Variants in FAF1 observed in about 807,000 individuals in gnomAD.
FAF1 encodes Fas associated factor 1.
In FAF1, 25 loss-of-function variants were observed where a neutral mutation model predicts 92.5. The ratio of observed to expected loss-of-function variants is 0.27; its 90% CI spans 0.20 to 0.38. The LOEUF is 0.38. Among genes scored for constraint, FAF1 ranks in the 10% least tolerant of loss-of-function variants. The pLI is 1.00. For synonymous variants in FAF1, 234 were observed against 273.2 expected, an observed-to-expected ratio of 0.86 and a Z score of 1.42; for missense variants, 636 against 793.3, an observed-to-expected ratio of 0.80 and a Z score of 2.38.
At chr1:50,935,802 T>A (rs981618029) in intron 1 of FAF1, among the ~76,000 whole-genome samples, 4 of 152,146 alleles carry the variant, frequency 2.6e-5, no homozygotes, top group Non-Finnish European at 4.4e-5. Flanking sequence ...CACATAGAAG[T>A]AATTATGAAC....
rs576549916 is a variant in FAF1, at chr1:50,960,076, G to A, written c.-265C>T. ...CGCAGCAGCCCGGACAGGAAGATTG[G>A]TCTGGATGTGGGTCCGGTCTTACAG... On this transcript the variant is annotated 5_prime_UTR_variant, in exon 1 of 19. Coordinates refer to ENST00000396153, the MANE Select transcript of FAF1 (RefSeq NM_007051.3). 8 of 394,256 alleles carry A rather than the reference G, an allele frequency of 2.0e-5. No individual in the cohort carries two copies. Among genetic ancestry groups the A allele is most frequent in the East Asian group, 1.4e-4 (4 of 27,874 alleles). 24.4% of individuals were successfully genotyped at this position (394,256 alleles called of 1,614,324 possible). A position where few individuals can be genotyped will look rare whatever the true frequency, so the allele number is the denominator to read the frequency against.
intron 7 of FAF1, among the ~76,000 whole-genome samples, chr1:50,660,108 C>T (rs1391391417): frequency 3.3e-5 from 5 of 152,078 alleles, no homozygotes; most frequent in Admixed American, 3.3e-4. Context: ...ATAAAAGTAC[C>T]TTCATAACAT....
At chr1:50,636,489 G>A (rs1012852133) in intron 8 of FAF1, among the ~76,000 whole-genome samples, 3 of 145,116 alleles carry the variant, frequency 2.1e-5, no homozygotes, top group South Asian at 2.2e-4. Context: ...GGGCTCAAGC[G>A]ATTCTCCTGC....
chr1:50,709,313 T>C (rs1163532483), intron 6 of FAF1, among the ~76,000 whole-genome samples: 1 of 152,196 alleles, frequency 6.6e-6, no homozygotes, highest in Non-Finnish European at 1.5e-5. Context: ...TTTATTGTCT[T>C]GTACAGTTTG....
At chr1:50,864,170 A>AT (rs1386810551) in intron 1 of FAF1, among the ~76,000 whole-genome samples, 1 of 147,864 alleles carries the variant, frequency 6.8e-6, no homozygotes, top group African/African-American at 2.5e-5. Context: ...GGATTCATTA[A>AT]TTTTTTGAAG....
chr1:50,500,270 A>C (rs1375983648), intron 15 of FAF1, among the ~76,000 whole-genome samples: 4 of 152,208 alleles, frequency 2.6e-5, no homozygotes, highest in Non-Finnish European at 5.9e-5. Context: ...GATTTATTAC[A>C]AAGCTGAAGT....
At chr1:50,853,567 G>A (rs1361605324) in intron 2 of FAF1, among the ~76,000 whole-genome samples, 5 of 152,042 alleles carry the variant, frequency 3.3e-5, no homozygotes, top group Non-Finnish European at 7.4e-5. Context: ...GAAATTGAGT[G>A]CAAAGTTCAA....
At chr1:50,540,100 A>G (rs1373944010) in intron 13 of FAF1, among the ~76,000 whole-genome samples, 1 of 151,880 alleles carries the variant, frequency 6.6e-6, no homozygotes, top group African/African-American at 2.4e-5. Flanking sequence ...CCTCCTGAGT[A>G]GCTGTGATTA....
At chr1:50,594,888 TTA>T (rs374986413) in intron 9 of FAF1, among the ~76,000 whole-genome samples, 9 of 142,380 alleles carry the variant, frequency 6.3e-5, no homozygotes, top group Admixed American at 7.1e-5. Flanking sequence ...AAAAAAAAAA[TTA>T]TATATATATA....
chr1:50,924,328 AAAC>A (rs1280896150), intron 1 of FAF1, among the ~76,000 whole-genome samples: 12 of 152,286 alleles, frequency 7.9e-5, no homozygotes, highest in East Asian at 1.9e-4. Context: ...TAGCTATCAA[AAAC>A]AACAACAACC....
intron 2 of FAF1, among the ~76,000 whole-genome samples, chr1:50,812,533 A>G (rs1458117129): frequency 6.6e-6 from 1 of 152,202 alleles, no homozygotes; most frequent in Admixed American, 6.5e-5. Context: ...AAACCATCTC[A>G]TATCAGTCAG....
intron 17 of FAF1, among the ~76,000 whole-genome samples, chr1:50,479,282 G>C (rs1646673472): frequency 6.6e-6 from 1 of 151,352 alleles, no homozygotes; most frequent in Non-Finnish European, 1.5e-5. Flanking sequence ...GATCACGCCA[G>C]CTGCCTAGTC....
chr1:50,612,809 C>T (rs1652739243), intron 8 of FAF1, among the ~76,000 whole-genome samples: 1 of 152,190 alleles, frequency 6.6e-6, no homozygotes, highest in South Asian at 2.1e-4. Context: ...GTAATTTCAC[C>T]TTGCCAGTTA....
At chr1:50,763,410 C>G (rs1333603359) in intron 4 of FAF1, among the ~76,000 whole-genome samples, 3 of 152,080 alleles carry the variant, frequency 2.0e-5, no homozygotes, top group Non-Finnish European at 2.9e-5. Flanking sequence ...CTGAGTTACT[C>G]CTGCTTGTTG....
chr1:50,711,940 T>C lies in FAF1; in HGVS notation c.552-6049A>G, dbSNP rs567530571. ...CTAACACTTAACAAGCGCTACCACATACCAGGCATTAAGAGATTCATATCA... is the reference window on the plus strand; with the variant it reads ...CTAACACTTAACAAGCGCTACCACACACCAGGCATTAAGAGATTCATATCA... On this transcript the variant is annotated intron_variant, in intron 6 of 18. Transcript: ENST00000396153. Among the ~76,000 whole-genome samples the C allele has an allele frequency of 2.0e-5, 3 of 152,342 alleles. No homozygotes were observed. In the East Asian group the frequency reaches 5.8e-4, roughly 29 times the overall value.
chr1:50,582,428 A>C (rs1339846607), intron 12 of FAF1, 190 bp downstream of exon 12: 2 of 504,144 alleles, frequency 4.0e-6, no homozygotes. Flanking sequence ...AGCACATAAT[A>C]CTAAAATTGG....
intron 2 of FAF1, among the ~76,000 whole-genome samples, chr1:50,814,061 A>C (rs1271684256): frequency 6.6e-6 from 1 of 152,174 alleles, no homozygotes; most frequent in Non-Finnish European, 1.5e-5. Context: ...AGCAATAATA[A>C]TATAGAACAA....
chr1:50,701,075 G>A (rs544215859), intron 7 of FAF1, among the ~76,000 whole-genome samples: 7 of 151,988 alleles, frequency 4.6e-5, no homozygotes, highest in Admixed American at 1.3e-4. Context: ...ATGCATAATC[G>A]TCTTTTCTGA....
chr1:50,452,327 A>C (rs988505975), intron 18 of FAF1: 3 of 382,806 alleles, frequency 7.8e-6, no homozygotes, highest in African/African-American at 6.3e-5. Flanking sequence ...GGCAAGATAA[A>C]CCTAATGCAG....
Sources: gnomAD v4.1 joint callset for allele counts (sites outside exome capture counted in the v4.1 genomes callset) on GRCh38, gnomAD v4.1.1 for gene constraint, MANE v1.5 for transcripts, NCBI Gene and HGNC (gene_info 2026-07-23, HGNC 2026-07-21) for gene names.